FSTL5: variants seen among roughly 807,000 people sequenced by gnomAD.
FSTL5 encodes follistatin-related protein 5.
In FSTL5, 62 loss-of-function variants were observed where a neutral mutation model predicts 89.1. That is an observed-to-expected ratio of 0.70 (90% CI 0.57 to 0.86). FSTL5 has a LOEUF of 0.86. Ranked by LOEUF, FSTL5 falls within the 40% of genes least tolerant of loss-of-function variation. The pLI is 0.00. For missense variants in FSTL5, 1,057 were observed against 1,001.6 expected (o/e 1.06, Z -0.75); for synonymous variants, 383 against 346.2 (o/e 1.11, Z -1.18).
At chr4:161,792,271 A>G (rs1729503583) in intron 4 of FSTL5, among the ~76,000 whole-genome samples, 1 of 152,064 alleles carries the variant, frequency 6.6e-6, no homozygotes, top group African/African-American at 2.4e-5. Flanking sequence ...TTGGACAACA[A>G]CAAGCAGGGG....
At chr4:161,554,488 C>T (rs951980598) in intron 8 of FSTL5, among the ~76,000 whole-genome samples, 7 of 151,532 alleles carry the variant, frequency 4.6e-5, no homozygotes, top group African/African-American at 1.7e-4. Context: ...TGCATTATTG[C>T]CGCAGAGTAT....
intron 10 of FSTL5, among the ~76,000 whole-genome samples, chr4:161,526,314 A>T (rs547032532): frequency 6.6e-6 from 1 of 152,316 alleles, no homozygotes; most frequent in Admixed American, 6.5e-5. Context: ...GAAATATTTT[A>T]TTCATTAATA....
At chr4:161,418,455 G>A (rs1184809236) in intron 15 of FSTL5, among the ~76,000 whole-genome samples, 1 of 151,960 alleles carries the variant, frequency 6.6e-6, no homozygotes, top group Non-Finnish European at 1.5e-5. Flanking sequence ...GGTGGGAAGT[G>A]GTGCTCCTTA....
intron 3 of FSTL5, among the ~76,000 whole-genome samples, chr4:161,963,731 T>G (rs1375666306): frequency 6.6e-6 from 1 of 151,970 alleles, no homozygotes. Context: ...TGTACATACT[T>G]ATGATTACCA....
chr4:161,449,403 T>G (rs1467292058), intron 15 of FSTL5, among the ~76,000 whole-genome samples: 9 of 152,170 alleles, frequency 5.9e-5, no homozygotes. Context: ...GAAAAGTGGT[T>G]TGAAATTCCA....
chr4:161,844,786 G>A (rs1022847641), intron 4 of FSTL5, among the ~76,000 whole-genome samples: 7 of 152,076 alleles, frequency 4.6e-5, no homozygotes, highest in African/African-American at 1.7e-4. Flanking sequence ...ACTGGGGCCT[G>A]TCGGGGGCTT....
intron 1 of FSTL5, among the ~76,000 whole-genome samples, chr4:162,158,772 G>A (rs1733580543): frequency 6.6e-6 from 1 of 151,948 alleles, no homozygotes; most frequent in South Asian, 2.1e-4. Context: ...TGGGTTTATG[G>A]CCTGATATCA....
intron 3 of FSTL5, among the ~76,000 whole-genome samples, chr4:161,943,720 T>C (rs1249632684): frequency 6.6e-6 from 1 of 151,586 alleles, no homozygotes; most frequent in African/African-American, 2.4e-5. Flanking sequence ...CATGCCCGGC[T>C]AATTTTTTGT....
chr4:161,851,453 A>G (rs1175252421), intron 4 of FSTL5, among the ~76,000 whole-genome samples: 1 of 152,168 alleles, frequency 6.6e-6, no homozygotes, highest in Non-Finnish European at 1.5e-5. Context: ...CATACAACTG[A>G]TTTTGGAAAC....
intron 2 of FSTL5, among the ~76,000 whole-genome samples, chr4:162,108,103 A>T (rs902278791): frequency 4.6e-5 from 7 of 152,122 alleles, no homozygotes. Context: ...ATGATGTTCC[A>T]TACATGCTTG....
At chr4:161,724,777 G>A (rs1739334251) in intron 6 of FSTL5, among the ~76,000 whole-genome samples, 1 of 152,150 alleles carries the variant, frequency 6.6e-6, no homozygotes, top group African/African-American at 2.4e-5. Flanking sequence ...GGAATATTGA[G>A]CATTTTTTAA....
intron 6 of FSTL5, among the ~76,000 whole-genome samples, chr4:161,723,737 T>C (rs538595051): frequency 6.6e-6 from 1 of 152,242 alleles, no homozygotes; most frequent in Non-Finnish European, 1.5e-5. Context: ...TGTCATTGCA[T>C]AGGACTGATT....
At chr4:161,707,614 T>C (rs1470751482) in intron 6 of FSTL5, among the ~76,000 whole-genome samples, 3 of 151,922 alleles carry the variant, frequency 2.0e-5, no homozygotes, top group African/African-American at 7.2e-5. Context: ...TCCAATTTTT[T>C]CACGAAATCT....
chr4:161,538,066 T>C (rs1309634821), intron 10 of FSTL5, 100 bp downstream of exon 10: 2 of 1,054,930 alleles, frequency 1.9e-6, no homozygotes, highest in Non-Finnish European at 2.8e-6. Context: ...TAATGCATTG[T>C]GCAATTCACA....
chr4:161,907,525 C>T (rs1222693236), intron 4 of FSTL5, among the ~76,000 whole-genome samples: 1 of 152,032 alleles, frequency 6.6e-6, no homozygotes, highest in African/African-American at 2.4e-5. Flanking sequence ...ATGAGAAGTT[C>T]CAAAAGTTTT....
chr4:162,151,511 G>A (rs984926567), intron 1 of FSTL5, among the ~76,000 whole-genome samples: 5 of 152,140 alleles, frequency 3.3e-5, no homozygotes, highest in Non-Finnish European at 5.9e-5. Flanking sequence ...ATTTTAGGAT[G>A]TGACCTGCCA....
At chr4:162,147,900 G>A (rs557898604) in intron 1 of FSTL5, among the ~76,000 whole-genome samples, 1 of 152,206 alleles carries the variant, frequency 6.6e-6, no homozygotes, top group East Asian at 1.9e-4. Context: ...AGCTACTCGG[G>A]AAGGTGAGGC....
At chr4:161,450,721 C>G (rs141448966) in intron 15 of FSTL5, among the ~76,000 whole-genome samples, 116 of 149,828 alleles carry the variant, frequency 7.7e-4, no homozygotes, top group African/African-American at 2.7e-3. Context: ...TTGACTATTA[C>G]GAGAATTACA....
At chr4:161,644,103 TAA>T (rs796103469) in intron 7 of FSTL5, among the ~76,000 whole-genome samples, 1 of 145,180 alleles carries the variant, frequency 6.9e-6, no homozygotes, top group Non-Finnish European at 1.5e-5. Context: ...TGAGGAACTT[TAA>T]AAAAAAAAAA....
Sources: allele counts gnomAD v4.1 joint callset (sites outside exome capture counted in the v4.1 genomes callset), GRCh38; gene constraint gnomAD v4.1.1; transcripts MANE v1.5; gene names NCBI Gene and HGNC (gene_info 2026-07-23, HGNC 2026-07-21).